The following SHROOM3 variants were observed in gnomAD, a reference collection of about 807,000 sequenced individuals.
SHROOM3 encodes the protein shroom family member 3.
In SHROOM3, 47 loss-of-function variants were observed where a neutral mutation model predicts 138.6. That is an observed-to-expected ratio of 0.34 (90% CI 0.27 to 0.43). The LOEUF is 0.43. Ranked by LOEUF, SHROOM3 falls within the 20% of genes least tolerant of loss-of-function variation. The pLI is 1.00. For synonymous variants in SHROOM3, 1,062 were observed against 1,063.3 expected (o/e 1.00, Z 0.02); for missense variants, 2,491 against 2,596.5 (o/e 0.96, Z 0.88).
chr4:76,678,266 G>GT (rs201629033), intron 2 of SHROOM3, among the ~76,000 whole-genome samples: 1,752 of 152,184 alleles, frequency 0.012, 45 homozygotes, highest in African/African-American at 0.04. Context: ...AAAGATAAGG[G>GT]TTTTTTTGTT....
At chr4:76,744,319 T>C (rs912579890) in intron 5 of SHROOM3, among the ~76,000 whole-genome samples, 2 of 152,246 alleles carry the variant, frequency 1.3e-5, no homozygotes, top group African/African-American at 4.8e-5. Context: ...GAAATACTTC[T>C]TTTGTACTGC....
In SHROOM3 at chr4:76,435,872, G is replaced by A. The variant is rs1332878857; in HGVS notation, c.-181G>A. 2 of 577,738 alleles carry A rather than the reference G, an allele frequency of 3.5e-6. No individual in the cohort carries two copies. The highest frequency in any genetic ancestry group is 3.0e-6 in the Non-Finnish European group (1 of 336,684). The allele number at this position is 577,738 out of a possible 1,614,324, so 35.8% of individuals were successfully genotyped here. A position where few individuals can be genotyped will look rare whatever the true frequency, so the allele number is the denominator to read the frequency against. On this transcript the variant is annotated 5_prime_UTR_variant, in exon 1 of 11. Transcript: ENST00000296043. Reference sequence around the variant, plus strand: ...AATGTTGAAGTGAAAATTCCTTCTGGTTCAGCATCTTGGAGTTCAGCTTGG... The same window carrying A: ...AATGTTGAAGTGAAAATTCCTTCTGATTCAGCATCTTGGAGTTCAGCTTGG...
At chr4:76,521,444 C>T (rs1282905026) in intron 1 of SHROOM3, among the ~76,000 whole-genome samples, 2 of 152,214 alleles carry the variant, frequency 1.3e-5, no homozygotes, top group African/African-American at 4.8e-5. Flanking sequence ...TCTTAGAAGA[C>T]AATTATGGCA....
chr4:76,737,297 A>C (rs948504741), intron 4 of SHROOM3, among the ~76,000 whole-genome samples: 2 of 145,906 alleles, frequency 1.4e-5, no homozygotes, highest in Non-Finnish European at 3.0e-5. Flanking sequence ...ATAACATTCC[A>C]TTGTGTAGAT....
intron 1 of SHROOM3, among the ~76,000 whole-genome samples, chr4:76,525,065 C>T (rs2110012631): frequency 1.3e-5 from 2 of 152,308 alleles, no homozygotes; most frequent in South Asian, 2.1e-4. Flanking sequence ...TATGAGAGAT[C>T]AAGTTTCTCC....
chr4:76,474,871 G>C (rs141596014), intron 1 of SHROOM3, among the ~76,000 whole-genome samples: 7,332 of 151,978 alleles, frequency 0.048, 207 homozygotes, highest in Middle Eastern at 0.075. Context: ...AGGTTGCAGT[G>C]AGCTGAGATC....
chr4:76,725,049 C>G (rs984613736), intron 3 of SHROOM3, among the ~76,000 whole-genome samples: 7 of 152,134 alleles, frequency 4.6e-5, no homozygotes, highest in Non-Finnish European at 1.0e-4. Flanking sequence ...AAGCCCTCTC[C>G]CAACATATCT....
chr4:76,710,231 C>A lies in SHROOM3; in HGVS notation c.399C>A (p.Gly133=), dbSNP rs1252084153. The stretch of plus-strand genomic sequence containing the variant: ...TCAGCCCAGAACACCTCACCTCTGG[C>A]CCCCAGCACAGGAAAGCAGCGTGGT... The part of the protein sequence containing the change: ...NFVSPEHLTS[G]PQHRKAAWSG... Residue 133 remains glycine (G), a synonymous_variant, in exon 3 of 11, where the codon GGC becomes GGA. Transcript: ENST00000296043. The A allele has an allele frequency of 6.2e-7, 1 of 1,614,098 alleles. No individual in the cohort carries two copies. Among genetic ancestry groups the A allele is most frequent in the South Asian group, 1.1e-5 (1 of 91,078 alleles).
chr4:76,708,094 G>GT (rs1720117585), intron 2 of SHROOM3, among the ~76,000 whole-genome samples: 1 of 152,162 alleles, frequency 6.6e-6, no homozygotes, highest in Non-Finnish European at 1.5e-5. Context: ...AATTTCAGCT[G>GT]GTCCTGTAGA....
chr4:76,521,755 A>G (rs569964914), intron 1 of SHROOM3, among the ~76,000 whole-genome samples: 1 of 152,346 alleles, frequency 6.6e-6, no homozygotes, highest in African/African-American at 2.4e-5. Flanking sequence ...TGTACTTTAT[A>G]AACCTCTCAT....
chr4:76,437,430 A>G (rs1216813695), intron 1 of SHROOM3, among the ~76,000 whole-genome samples: 1 of 152,180 alleles, frequency 6.6e-6, no homozygotes, highest in Non-Finnish European at 1.5e-5. Flanking sequence ...AATGTGATCA[A>G]GGACCCCACT....
chr4:76,685,863 AG>A (rs1719321842), intron 2 of SHROOM3, among the ~76,000 whole-genome samples: 1 of 152,146 alleles, frequency 6.6e-6, no homozygotes, highest in African/African-American at 2.4e-5. Flanking sequence ...CTGTAATCCC[AG>A]CTACTCGGGA....
chr4:76,617,481 A>G (rs1009476333), intron 2 of SHROOM3, among the ~76,000 whole-genome samples: 2 of 152,244 alleles, frequency 1.3e-5, no homozygotes, highest in Non-Finnish European at 2.9e-5. Flanking sequence ...GACATTATGA[A>G]AATAATGAGA....
At chr4:76,767,198 C>T (rs1420642199) in intron 9 of SHROOM3, among the ~76,000 whole-genome samples, 1 of 152,206 alleles carries the variant, frequency 6.6e-6, no homozygotes. Flanking sequence ...ATGCTCACCT[C>T]AGGGCCACCC....
chr4:76,760,201 G>A (rs1312945755), intron 9 of SHROOM3, among the ~76,000 whole-genome samples: 1 of 152,104 alleles, frequency 6.6e-6, no homozygotes, highest in Non-Finnish European at 1.5e-5. Flanking sequence ...CCTTTTTGAG[G>A]GACTTCAGCG....
chr4:76,490,563 TCC>T (rs1372219403), intron 1 of SHROOM3, among the ~76,000 whole-genome samples: 1 of 152,110 alleles, frequency 6.6e-6, no homozygotes, highest in Admixed American at 6.5e-5. Context: ...CTGCTTCTGG[TCC>T]TTTTATTACT....
intron 2 of SHROOM3, among the ~76,000 whole-genome samples, chr4:76,652,752 CCT>C (rs10681383): frequency 3.8e-4 from 57 of 149,252 alleles, no homozygotes; most frequent in Non-Finnish European, 6.0e-4. Flanking sequence ...CTTGAGTCTC[CCT>C]CTCTCTCTCT....
intron 2 of SHROOM3, among the ~76,000 whole-genome samples, chr4:76,663,909 T>C (rs1316169309): frequency 6.6e-6 from 1 of 152,180 alleles, no homozygotes; most frequent in Non-Finnish European, 1.5e-5. Context: ...ATTTACCCTC[T>C]TGGTCTCTGT....
intron 1 of SHROOM3, among the ~76,000 whole-genome samples, chr4:76,519,877 G>A (rs1391537870): frequency 6.6e-6 from 1 of 152,210 alleles, no homozygotes; most frequent in Non-Finnish European, 1.5e-5. Context: ...GAGTGGATTT[G>A]TGAGGTGTGA....
Sources: gnomAD v4.1 joint callset for allele counts (sites outside exome capture counted in the v4.1 genomes callset) on GRCh38, gnomAD v4.1.1 for gene constraint, MANE v1.5 for transcripts, NCBI Gene and HGNC (gene_info 2026-07-23, HGNC 2026-07-21) for gene names.